Variants in PHACTR4 observed in about 807,000 individuals in gnomAD.
The protein encoded by PHACTR4 is protein phosphatase 1, regulatory subunit 124.
Under a neutral mutation model 72.7 loss-of-function variants are expected in PHACTR4, and 51 were observed. The observed-to-expected ratio is 0.70, with a 90% CI of 0.56 to 0.89. PHACTR4 has a LOEUF of 0.89. Ranked by LOEUF, PHACTR4 falls within the 40% of genes least tolerant of loss-of-function variation. The probability of loss-of-function intolerance (pLI) is 0.00; values close to 1 mark genes in which losing one functional copy is unlikely to be tolerated. For missense variants in PHACTR4, 731 were observed against 861.8 expected (o/e 0.85, Z 1.90); for synonymous variants, 255 against 302.5 (o/e 0.84, Z 1.63).
chr1:28,406,090 TTTAA>T (rs1654304486), intron 1 of PHACTR4, among the ~76,000 whole-genome samples: 1 of 152,330 alleles, frequency 6.6e-6, no homozygotes, highest in Middle Eastern at 3.4e-3. Context: ...TTGAGTTTAA[TTTAA>T]TTGTTTAATA....
chr1:28,441,976 A>AG (rs1383057826), intron 2 of PHACTR4, among the ~76,000 whole-genome samples: 1 of 151,852 alleles, frequency 6.6e-6, no homozygotes, highest in African/African-American at 2.4e-5. Context: ...TGGGTGTCAG[A>AG]GGGAGACACT....
intron 9 of PHACTR4, among the ~76,000 whole-genome samples, chr1:28,483,502 A>T (rs1290637522): frequency 2.0e-5 from 3 of 151,864 alleles, no homozygotes; most frequent in Non-Finnish European, 4.4e-5. Context: ...AAAATTACAA[A>T]AAAAAGAGAT....
At chr1:28,479,187 G>A (rs533121988) in intron 8 of PHACTR4, among the ~76,000 whole-genome samples, 115 of 152,100 alleles carry the variant, frequency 7.6e-4, no homozygotes, top group Non-Finnish European at 1.4e-3. Context: ...TTGGGAGGCC[G>A]AGGCAGGCGG....
intron 10 of PHACTR4, among the ~76,000 whole-genome samples, chr1:28,490,584 G>T (rs930118777): frequency 2.7e-5 from 4 of 150,848 alleles, no homozygotes; most frequent in African/African-American, 7.3e-5. Flanking sequence ...GGTGGCTCAC[G>T]CCTGTAATCC....
intron 2 of PHACTR4, among the ~76,000 whole-genome samples, chr1:28,434,069 C>T (rs1206947561): frequency 6.6e-6 from 1 of 151,716 alleles, no homozygotes; most frequent in Non-Finnish European, 1.5e-5. Context: ...TGAGCCACTG[C>T]ACCTGTCTAA....
At chr1:28,438,658 C>T (rs1273024212) in intron 2 of PHACTR4, among the ~76,000 whole-genome samples, 1 of 152,168 alleles carries the variant, frequency 6.6e-6, no homozygotes, top group Non-Finnish European at 1.5e-5. Flanking sequence ...TAATTTATCG[C>T]TCACAGTTTT....
At chr1:28,461,398 G>A (rs1033135994) in intron 4 of PHACTR4, among the ~76,000 whole-genome samples, 14 of 152,024 alleles carry the variant, frequency 9.2e-5, no homozygotes, top group African/African-American at 3.1e-4. Context: ...CTGAGATGGC[G>A]CCACTGCACT....
rs1334696106 is a variant in PHACTR4 at position 28,474,095 on chromosome 1, C to T, written c.1365C>T (p.Asp455=). The T allele has an allele frequency of 3.7e-6, 6 of 1,614,044 alleles. No homozygotes were observed. The African/African-American group carries it at 4.0e-5, about 11-fold the overall frequency. The part of the protein sequence containing the change: ...LFENSDSFSE[D]SSTLGRTRSL... Reference sequence around the variant, plus strand: ...AAAACAGTGACAGCTTTTCTGAGGACAGCAGTACGCTGGGTCGGACCAGGT... The same window carrying T: ...AAAACAGTGACAGCTTTTCTGAGGATAGCAGTACGCTGGGTCGGACCAGGT... Residue 455 remains aspartate (D), a synonymous_variant, in exon 7 of 14, where the codon GAC becomes GAT. Coordinates refer to ENST00000373839, the MANE Select transcript of PHACTR4 (RefSeq NM_001048183.3).
chr1:28,477,800 C>T (rs1660017435), intron 8 of PHACTR4, among the ~76,000 whole-genome samples: 1 of 152,060 alleles, frequency 6.6e-6, no homozygotes, highest in Non-Finnish European at 1.5e-5. Flanking sequence ...AATGCTCCAA[C>T]CTCAGCCTCC....
rs560748921 is a variant in PHACTR4 at position 28,433,267 on chromosome 1, A to C, written c.16+25804A>C. On this transcript the variant is annotated intron_variant, in intron 2 of 13. Transcript: ENST00000373839. ...ATGCATGGAAGACTAAAATGAACTC[A>C]AGGCTTTATTGTTAATTTTAATGTC... 3.9e-5 allele frequency among the ~76,000 whole-genome samples: 6 copies of C among 152,118 alleles called. No homozygotes were observed. The East Asian group carries it at 1.2e-3, about 29-fold the overall frequency.
chr1:28,423,084 C>T (rs1050963306), intron 2 of PHACTR4, among the ~76,000 whole-genome samples: 16 of 152,182 alleles, frequency 1.1e-4, no homozygotes, highest in African/African-American at 2.9e-4. Context: ...CCACCACACC[C>T]GGCCTAAAAC....
intron 2 of PHACTR4, among the ~76,000 whole-genome samples, chr1:28,408,453 G>A (rs1654521548): frequency 6.6e-6 from 1 of 152,146 alleles, no homozygotes; most frequent in Non-Finnish European, 1.5e-5. Flanking sequence ...AGCTACTCAG[G>A]AGGTTGAGGC....
At chr1:28,418,836 A>G (rs1257553197) in intron 2 of PHACTR4, among the ~76,000 whole-genome samples, 4 of 151,528 alleles carry the variant, frequency 2.6e-5, no homozygotes, top group African/African-American at 9.7e-5. Context: ...CTGTAGTCCC[A>G]GCTACTTGGG....
chr1:28,378,198 T>TCA (rs1651844010), intron 1 of PHACTR4, among the ~76,000 whole-genome samples: 2 of 76,386 alleles, frequency 2.6e-5, no homozygotes, highest in South Asian at 8.3e-4. Context: ...CTCCATCTCA[T>TCA]AAAAAAAAAA....
chr1:28,406,565 C>A (rs1463416439), intron 1 of PHACTR4, among the ~76,000 whole-genome samples: 5 of 152,226 alleles, frequency 3.3e-5, no homozygotes, highest in African/African-American at 1.2e-4. Flanking sequence ...TACGAGTAGC[C>A]CATGAGCCAC....
At chr1:28,410,968 A>G (rs1262211286) in intron 2 of PHACTR4, among the ~76,000 whole-genome samples, 1 of 151,816 alleles carries the variant, frequency 6.6e-6, no homozygotes, top group African/African-American at 2.4e-5. Flanking sequence ...TGGCCTCCCA[A>G]AGTGGCGGGA....
intron 2 of PHACTR4, among the ~76,000 whole-genome samples, chr1:28,448,057 T>G (rs1263811633): frequency 6.6e-6 from 1 of 152,234 alleles, no homozygotes; most frequent in Non-Finnish European, 1.5e-5. Context: ...TAAATGAATG[T>G]TCTACGTTTA....
intron 1 of PHACTR4, among the ~76,000 whole-genome samples, chr1:28,395,144 C>G (rs749016359): frequency 2.0e-5 from 3 of 152,100 alleles, no homozygotes; most frequent in Non-Finnish European, 4.4e-5. Context: ...AACTCCAGAC[C>G]TCAGGTGATC....
intron 1 of PHACTR4, among the ~76,000 whole-genome samples, chr1:28,381,948 AGT>A (rs1652205184): frequency 6.6e-6 from 1 of 151,896 alleles, no homozygotes; most frequent in Admixed American, 6.6e-5. Flanking sequence ...TTGTATTTTT[AGT>A]AGAGATGAGG....
Sources: allele counts gnomAD v4.1 joint callset (sites outside exome capture counted in the v4.1 genomes callset), GRCh38; gene constraint gnomAD v4.1.1; transcripts MANE v1.5; gene names NCBI Gene and HGNC (gene_info 2026-07-23, HGNC 2026-07-21).